The following PUM2 variants were observed in gnomAD, a reference collection of about 807,000 sequenced individuals.
PUM2 encodes pumilio RNA binding family member 2, also known as pumilio homolog 2.
A neutral mutation model predicts 124.5 loss-of-function variants in PUM2; 57 were observed. The ratio of observed to expected loss-of-function variants is 0.46; its 90% CI spans 0.37 to 0.57. The LOEUF is 0.57. Among genes scored for constraint, PUM2 ranks in the 20% least tolerant of loss-of-function variants. The pLI, the probability that PUM2 is intolerant of heterozygous loss-of-function variation, is 0.00. For synonymous variants in PUM2, 460 were observed against 446.1 expected (o/e 1.03, Z -0.39); for missense variants, 1,065 against 1,290.6 (o/e 0.83, Z 2.68).
At chr2:20,301,428 G>A (rs1191934332) in intron 7 of PUM2, among the ~76,000 whole-genome samples, 1 of 152,150 alleles carries the variant, frequency 6.6e-6, no homozygotes, top group Non-Finnish European at 1.5e-5. Context: ...GAGATATAAA[G>A]TGGAAAGTGA....
chr2:20,276,691 G>C (rs1051504661), intron 13 of PUM2, among the ~76,000 whole-genome samples: 2 of 151,996 alleles, frequency 1.3e-5, no homozygotes, highest in Non-Finnish European at 2.9e-5. Context: ...TATGCAAAAA[G>C]AAAATTTATG....
intron 1 of PUM2, among the ~76,000 whole-genome samples, chr2:20,330,082 A>G (rs1248925377): frequency 1.3e-5 from 2 of 150,884 alleles, no homozygotes; most frequent in Non-Finnish European, 3.0e-5. Context: ...AGATTGCCAG[A>G]AAAAAAAACA....
chr2:20,270,411 A>G (rs980846784), intron 13 of PUM2, among the ~76,000 whole-genome samples: 1 of 152,146 alleles, frequency 6.6e-6, no homozygotes, highest in African/African-American at 2.4e-5. Flanking sequence ...TGCAATCTTA[A>G]AGCTTGCTTC....
chr2:20,341,519 T>C (rs975827969), intron 1 of PUM2, among the ~76,000 whole-genome samples: 1 of 152,214 alleles, frequency 6.6e-6, no homozygotes, highest in South Asian at 2.1e-4. Flanking sequence ...TTGTGGGAAG[T>C]ACGAAAAAAT....
intron 1 of PUM2, among the ~76,000 whole-genome samples, chr2:20,341,190 G>A (rs747198499): frequency 2.6e-5 from 4 of 151,340 alleles, no homozygotes; most frequent in African/African-American, 4.9e-5. Flanking sequence ...TCCCTGCCCC[G>A]CAAAAAAAGA....
chr2:20,287,286 T>G (rs1162369675), intron 10 of PUM2, among the ~76,000 whole-genome samples: 1 of 151,874 alleles, frequency 6.6e-6, no homozygotes, highest in African/African-American at 2.4e-5. Flanking sequence ...CACACAGAAG[T>G]ACTAAAAGAA....
At chr2:20,314,898 T>C (rs1680505558) in intron 3 of PUM2, among the ~76,000 whole-genome samples, 1 of 149,348 alleles carries the variant, frequency 6.7e-6, no homozygotes, top group East Asian at 2.0e-4. Context: ...TTAACAAAAA[T>C]ATAATCCATG....
At chr2:20,337,487 CAT>C (rs1558678002) in intron 1 of PUM2, among the ~76,000 whole-genome samples, 1 of 152,138 alleles carries the variant, frequency 6.6e-6, no homozygotes, top group Admixed American at 6.5e-5. Flanking sequence ...ATTCTCTCTA[CAT>C]GTTTGAAAGC....
rs1303679839 is a variant in PUM2, at chr2:20,297,544, G to A, written c.1009+9C>T. The A allele has an allele frequency of 5.7e-6, 9 of 1,588,144 alleles. No homozygotes were observed. Among genetic ancestry groups the A allele is most frequent in the African/African-American group, 1.4e-5 (1 of 74,040 alleles). ...CAACCATAATAAAGATGAACAAATAGTATGTTACCTGCTAATGTAGCTGCT... is the reference window on the plus strand; with the variant it reads ...CAACCATAATAAAGATGAACAAATAATATGTTACCTGCTAATGTAGCTGCT... On this transcript the variant is annotated intron_variant, in intron 8 of 20. Coordinates refer to ENST00000361078, the MANE Select transcript of PUM2 (RefSeq NM_015317.5).
At chr2:20,309,247 T>G (rs1310002944) in intron 5 of PUM2, among the ~76,000 whole-genome samples, 3 of 152,150 alleles carry the variant, frequency 2.0e-5, no homozygotes, top group Non-Finnish European at 4.4e-5. Flanking sequence ...ACTTAAGAGA[T>G]GACCTTTTGA....
chr2:20,326,118 TA>T, intron 2 of PUM2: 1 of 617,342 alleles, frequency 1.6e-6, no homozygotes, highest in Non-Finnish European at 2.4e-6. Context: ...CCTAACCAGA[TA>T]TTGCACTGCA....
At chr2:20,336,472 G>T (rs1388795823) in intron 1 of PUM2, among the ~76,000 whole-genome samples, 1 of 151,698 alleles carries the variant, frequency 6.6e-6, no homozygotes, top group Non-Finnish European at 1.5e-5. Context: ...ACAGGAATGA[G>T]CCAATGTGCC....
chr2:20,268,608 A>C (rs1461795036), intron 13 of PUM2, among the ~76,000 whole-genome samples: 1 of 152,116 alleles, frequency 6.6e-6, no homozygotes, highest in Non-Finnish European at 1.5e-5. Context: ...ATAGAGCAAG[A>C]CCCTGTCTAA....
chr2:20,255,089 G>A (rs1449916981), intron 18 of PUM2, 105 bp from the exon 19 acceptor site: 1 of 1,473,360 alleles, frequency 6.8e-7, no homozygotes, highest in East Asian at 2.3e-5. Context: ...AGGATAGTTA[G>A]GAGAATACAA....
intron 6 of PUM2, 119 bp from the exon 7 acceptor site, chr2:20,308,190 A>C (rs1678787914): frequency 1.4e-6 from 2 of 1,462,916 alleles, no homozygotes; most frequent in Non-Finnish European, 9.2e-7. Flanking sequence ...AATACAGGAC[A>C]CTTTAATCAA....
intron 17 of PUM2, 63 bp downstream of exon 17, chr2:20,255,970 T>C (rs1664670227): frequency 2.8e-6 from 4 of 1,431,932 alleles, no homozygotes; most frequent in Non-Finnish European, 3.7e-6. Context: ...GAAAAACGTG[T>C]TGATATTCAA....
At chr2:20,297,826 T>A in intron 7 of PUM2, 148 bp from the exon 8 acceptor site, 1 of 734,098 alleles carries the variant, frequency 1.4e-6, no homozygotes, top group Non-Finnish European at 2.2e-6. Flanking sequence ...TAAGTGACCT[T>A]GGGCATGTAC....
intron 5 of PUM2, among the ~76,000 whole-genome samples, chr2:20,309,638 G>C (rs1679160686): frequency 6.6e-6 from 1 of 152,080 alleles, no homozygotes; most frequent in South Asian, 2.1e-4. Context: ...TTGTAAGAAA[G>C]AGTTTATTGT....
At chr2:20,314,404 T>G (rs1486431834) in intron 3 of PUM2, among the ~76,000 whole-genome samples, 1 of 152,200 alleles carries the variant, frequency 6.6e-6, no homozygotes, top group Non-Finnish European at 1.5e-5. Context: ...ATATTTTTTC[T>G]CCATACTTTT....
Sources: allele counts gnomAD v4.1 joint callset (sites outside exome capture counted in the v4.1 genomes callset), GRCh38; gene constraint gnomAD v4.1.1; transcripts MANE v1.5; gene names NCBI Gene and HGNC (gene_info 2026-07-23, HGNC 2026-07-21).